DYNC2H1: variants seen among roughly 807,000 people sequenced by gnomAD.
DYNC2H1 encodes the protein dynein cytoplasmic 2 heavy chain 1.
In DYNC2H1, 410 loss-of-function variants were observed where a neutral mutation model predicts 570.0. The ratio of observed to expected loss-of-function variants is 0.72; its 90% CI spans 0.66 to 0.78. DYNC2H1 has a LOEUF of 0.78. Ranked by LOEUF, DYNC2H1 falls within the 30% of genes least tolerant of loss-of-function variation. DYNC2H1 has a pLI of 0.00. For missense variants in DYNC2H1, 4,865 were observed against 5,046.4 expected (o/e 0.96, Z 1.09); for synonymous variants, 1,688 against 1,677.6 (o/e 1.01, Z -0.15).
intron 84 of DYNC2H1, among the ~76,000 whole-genome samples, chr11:103,416,178 A>G (rs1174354413): frequency 6.6e-6 from 1 of 152,190 alleles, no homozygotes; most frequent in Non-Finnish European, 1.5e-5. Flanking sequence ...GAGGGATAGC[A>G]TTAGGAGAAA....
At chr11:103,295,876 T>C (rs867586042) in intron 75 of DYNC2H1, among the ~76,000 whole-genome samples, 1 of 152,302 alleles carries the variant, frequency 6.6e-6, no homozygotes, top group Middle Eastern at 3.4e-3. Context: ...CCGGGCCCAG[T>C]CTCAGGATGT....
rs1422588870 is a variant in DYNC2H1, at chr11:103,187,511, T to C, written c.7065T>C (p.Val2355=). Residue 2355 remains valine, a synonymous_variant, in exon 43 of 89, where the codon GTT becomes GTC. Transcript: ENST00000375735. ...GACCAAAAGACTGTGAAAGACTTGTTCTGTACTTAAAAGATATCAACCTAC... is the reference window on the plus strand; with the variant it reads ...GACCAAAAGACTGTGAAAGACTTGTCCTGTACTTAAAAGATATCAACCTAC... The part of the protein sequence containing the change: ...VYRPKDCERL[V]LYLKDINLPK... 1 of 1,613,248 alleles carries C rather than the reference T, an allele frequency of 6.2e-7. No individual in the cohort carries two copies. The highest frequency in any genetic ancestry group is 2.2e-5 in the East Asian group (1 of 44,858).
At chr11:103,246,304 T>A (rs969249279) in intron 65 of DYNC2H1, among the ~76,000 whole-genome samples, 8 of 152,052 alleles carry the variant, frequency 5.3e-5, no homozygotes, top group Non-Finnish European at 1.2e-4. Context: ...AGTTTCTTGC[T>A]ATGATATCTT....
chr11:103,240,633 T>A (rs1864391874), intron 63 of DYNC2H1, among the ~76,000 whole-genome samples: 1 of 152,204 alleles, frequency 6.6e-6, no homozygotes, highest in Admixed American at 6.6e-5. Context: ...GAATTCATCC[T>A]GTTTTAATCA....
intron 54 of DYNC2H1, 92 bp from the exon 55 acceptor site, chr11:103,215,629 T>G: frequency 7.8e-7 from 1 of 1,286,790 alleles, no homozygotes; most frequent in African/African-American, 1.5e-5. Flanking sequence ...ACACTTAACA[T>G]GTTTGCTTGA....
rs1037468117 is a variant in DYNC2H1, at chr11:103,299,945, A to T, written c.11096-3148A>T. ...AGTTTCCCATTTAATTGGTTCATAT[A>T]TATTGGGTTAGGTAGTGGCTGTTGA... On this transcript the variant is annotated intron_variant, in intron 75 of 88. Coordinates refer to ENST00000375735, the MANE Select transcript of DYNC2H1 (RefSeq NM_001377.3). The surrounding 1 kb of genome is among the most constrained non-coding windows in gnomAD (Gnocchi z 4.5). 4.6e-5 allele frequency among the ~76,000 whole-genome samples: 7 copies of T among 152,018 alleles called. No individual in the cohort carries two copies. Among genetic ancestry groups the T allele is most frequent in the African/African-American group, 1.7e-4 (7 of 41,416 alleles).
intron 57 of DYNC2H1, among the ~76,000 whole-genome samples, chr11:103,221,449 C>A (rs1863584266): frequency 6.6e-6 from 1 of 152,136 alleles, no homozygotes; most frequent in Non-Finnish European, 1.5e-5. Flanking sequence ...ATATGAGTAC[C>A]TAATAGTTCA....
chr11:103,390,731 G>A (rs1000188848), intron 83 of DYNC2H1, among the ~76,000 whole-genome samples: 7 of 152,142 alleles, frequency 4.6e-5, no homozygotes. Flanking sequence ...TGTCTATAAA[G>A]TATTTTATTT....
At chr11:103,337,506 A>G (rs7925876) in intron 82 of DYNC2H1, among the ~76,000 whole-genome samples, 32,982 of 152,102 alleles carry the variant, frequency 0.22, 3,719 homozygotes, top group Admixed American at 0.31. Flanking sequence ...CTAACTGTGT[A>G]TGAATATTCT....
intron 84 of DYNC2H1, among the ~76,000 whole-genome samples, chr11:103,413,301 C>A (rs1305015831): frequency 2.0e-5 from 3 of 152,230 alleles, no homozygotes; most frequent in Middle Eastern, 3.4e-3. Context: ...AAGTTCTACT[C>A]CAACTATTTT....
At chr11:103,412,864 C>T (rs1288167192) in intron 84 of DYNC2H1, among the ~76,000 whole-genome samples, 2 of 152,084 alleles carry the variant, frequency 1.3e-5, no homozygotes, top group Non-Finnish European at 2.9e-5. Context: ...ATCTTCTTTG[C>T]TATCCTGGTT....
At chr11:103,428,976 T>C (rs1943786094) in intron 84 of DYNC2H1, among the ~76,000 whole-genome samples, 1 of 152,078 alleles carries the variant, frequency 6.6e-6, no homozygotes, top group Non-Finnish European at 1.5e-5. Context: ...ATTGAAAAAA[T>C]CTGGCTGGGC....
rs955476863 is a variant in DYNC2H1, at chr11:103,186,976, G to A, written c.6894-364G>A. Among the ~76,000 whole-genome samples the A allele has an allele frequency of 2.0e-5, 3 of 151,776 alleles. No homozygotes were observed. The highest frequency in any genetic ancestry group is 2.9e-5 in the Non-Finnish European group (2 of 67,920). On this transcript the variant is annotated intron_variant, in intron 42 of 88. Coordinates refer to ENST00000375735, the MANE Select transcript of DYNC2H1 (RefSeq NM_001377.3). The surrounding 1 kb of genome is among the most constrained non-coding windows in gnomAD (Gnocchi z 4.5). ...TAGGGGAGTAGTAATTTTAAAAATT[G>A]TATAAAATCATAGTAATTTTTTTAA...
chr11:103,379,924 A>G (rs956173842), intron 83 of DYNC2H1, among the ~76,000 whole-genome samples: 4 of 152,346 alleles, frequency 2.6e-5, no homozygotes, highest in South Asian at 2.1e-4. Flanking sequence ...AAACTAGGCA[A>G]GTTCAGATAT....
Position 103,236,557 on chromosome 11 carries a change from A to T in DYNC2H1, c.9819+18A>T, listed in dbSNP as rs752643579. ...TATTACAGGTAGTTAATTTATTTTA[A>T]TTTTTTTATTAGAAATGTTTTATTG... On this transcript the variant is annotated intron_variant, in intron 63 of 88. Coordinates refer to ENST00000375735, the MANE Select transcript of DYNC2H1 (RefSeq NM_001377.3). 6.0e-6 allele frequency: 8 copies of T among 1,336,384 alleles called. No individual in the cohort carries two copies. The South Asian group carries it at 9.3e-5, about 15-fold the overall frequency. The allele number at this position is 1,336,384 out of a possible 1,614,324, so 82.8% of individuals were successfully genotyped here. A position where few individuals can be genotyped will look rare whatever the true frequency, so the allele number is the denominator to read the frequency against.
intron 62 of DYNC2H1, 104 bp downstream of exon 62, chr11:103,235,917 C>A (rs1864201165): frequency 1.4e-6 from 2 of 1,380,128 alleles, no homozygotes; most frequent in African/African-American, 2.9e-5. Flanking sequence ...TGTTATTTTA[C>A]CTTTTTTAAA....
chr11:103,371,130 A>G (rs1001338633), intron 83 of DYNC2H1, among the ~76,000 whole-genome samples: 7 of 152,258 alleles, frequency 4.6e-5, no homozygotes, highest in African/African-American at 1.7e-4. Flanking sequence ...AAAAAGAATC[A>G]GGCAGAAATT....
chr11:103,251,354 A>G (rs955869286), intron 65 of DYNC2H1, among the ~76,000 whole-genome samples: 1 of 152,090 alleles, frequency 6.6e-6, no homozygotes, highest in Non-Finnish European at 1.5e-5. Context: ...TAGTATTTAC[A>G]TGGTATATAC....
chr11:103,302,071 T>C (rs1867071206), intron 75 of DYNC2H1, among the ~76,000 whole-genome samples: 1 of 152,054 alleles, frequency 6.6e-6, no homozygotes, highest in Non-Finnish European at 1.5e-5. Flanking sequence ...TTTCAAGTTT[T>C]AGCAGAAGAG....
Sources: allele counts gnomAD v4.1 joint callset (sites outside exome capture counted in the v4.1 genomes callset), GRCh38; gene constraint gnomAD v4.1.1; non-coding constraint Gnocchi (gnomAD v3.1); transcripts MANE v1.5; gene names NCBI Gene and HGNC (gene_info 2026-07-23, HGNC 2026-07-21).